The following MPZL3 variants were observed in gnomAD, a reference collection of about 807,000 sequenced individuals.
MPZL3 encodes the protein myelin protein zero-like protein 3.
In MPZL3, 23 loss-of-function variants were observed where a neutral mutation model predicts 24.8. That is an observed-to-expected ratio of 0.93 (90% CI 0.67 to 1.31). MPZL3 has a LOEUF of 1.31. Ranked by LOEUF, MPZL3 falls within the 40% of genes most tolerant of loss-of-function variation. MPZL3 has a pLI of 0.00. For synonymous variants in MPZL3, 99 were observed against 106.5 expected (o/e 0.93, Z 0.44); for missense variants, 277 against 294.9 (o/e 0.94, Z 0.44).
At chr11:118,234,734 C>CAT (rs1949400255) in intron 4 of MPZL3, among the ~76,000 whole-genome samples, 1 of 151,626 alleles carries the variant, frequency 6.6e-6, no homozygotes. Flanking sequence ...TGCACACACA[C>CAT]ACACACATAC....
chr11:118,243,629 A>G (rs2853033), intron 1 of MPZL3, among the ~76,000 whole-genome samples: 118,486 of 151,982 alleles, frequency 0.78, 46,769 homozygotes, highest in African/African-American at 0.9. Context: ...GAAATTAGCC[A>G]GGCATGGTGC....
At chr11:118,250,110 T>G (rs1949601344) in intron 1 of MPZL3, among the ~76,000 whole-genome samples, 1 of 151,860 alleles carries the variant, frequency 6.6e-6, no homozygotes, top group African/African-American at 2.4e-5. Flanking sequence ...CAAGTGATTC[T>G]TCTGCCTCAG....
At chr11:118,246,217 T>C (rs1353116258) in intron 1 of MPZL3, among the ~76,000 whole-genome samples, 1 of 152,232 alleles carries the variant, frequency 6.6e-6, no homozygotes, top group Admixed American at 6.5e-5. Context: ...TTCAACATGT[T>C]TTCCTTGGAC....
chr11:118,233,855 G>A (rs1036680210), intron 4 of MPZL3, among the ~76,000 whole-genome samples: 31 of 152,054 alleles, frequency 2.0e-4, no homozygotes, highest in African/African-American at 7.3e-4. Flanking sequence ...TTAGCTGGGC[G>A]TTGTGGTGCA....
At chr11:118,241,910 T>A (rs1591495729) in intron 1 of MPZL3, among the ~76,000 whole-genome samples, 1 of 152,342 alleles carries the variant, frequency 6.6e-6, no homozygotes, top group African/African-American at 2.4e-5. Flanking sequence ...GCTAAACCTG[T>A]CCTGCCTTCT....
chr11:118,230,198 G>A (rs929122219), intron 5 of MPZL3, among the ~76,000 whole-genome samples: 6 of 152,028 alleles, frequency 3.9e-5, no homozygotes, highest in East Asian at 1.9e-4. Context: ...CCCGCCTACC[G>A]CACCCTTTCT....
intron 5 of MPZL3, among the ~76,000 whole-genome samples, chr11:118,232,652 G>A (rs117826233): frequency 0.012 from 1,764 of 152,056 alleles, 18 homozygotes; most frequent in Admixed American, 0.019. Context: ...AAAAATATCC[G>A]AGCCTCCAAA....
At chr11:118,237,446 G>A (rs539942099) in intron 2 of MPZL3, among the ~76,000 whole-genome samples, 186 bp from the exon 3 acceptor site, 2 of 152,106 alleles carry the variant, frequency 1.3e-5, no homozygotes, top group African/African-American at 2.4e-5. Flanking sequence ...GGCCCGATGA[G>A]AGACTTCTGG....
intron 1 of MPZL3, among the ~76,000 whole-genome samples, chr11:118,243,525 T>C (rs187464500): frequency 5.6e-4 from 85 of 152,254 alleles, no homozygotes; most frequent in Admixed American, 1.4e-3. Context: ...TCCCAGCACT[T>C]TGGGAGGCCG....
At chr11:118,238,001 G>C (rs1237470596) in intron 2 of MPZL3, among the ~76,000 whole-genome samples, 1 of 152,080 alleles carries the variant, frequency 6.6e-6, no homozygotes, top group Admixed American at 6.6e-5. Context: ...GCCAGGTGTG[G>C]TGGCATACAC....
chr11:118,241,171 T>G lies in MPZL3; in HGVS notation c.74-794A>C, dbSNP rs541024392. Among the ~76,000 whole-genome samples, 12 of 152,232 alleles carry G rather than the reference T, an allele frequency of 7.9e-5. 1 individual carries two copies. Among genetic ancestry groups the G allele is most frequent in the Admixed American group, 3.3e-4 (5 of 15,290 alleles). ...GCACTTTGTTCTAACCAGTTCCTTC[T>G]GCTTTCAGAGAACAAAAACTTATCT... On this transcript the variant is annotated intron_variant, in intron 1 of 5. Coordinates refer to ENST00000278949, the MANE Select transcript of MPZL3 (RefSeq NM_198275.3).
intron 1 of MPZL3, 138 bp downstream of exon 1, chr11:118,252,084 A>C: frequency 2.5e-6 from 2 of 807,818 alleles, no homozygotes; most frequent in African/African-American, 1.7e-5. Flanking sequence ...ACATCGTCCC[A>C]ACGTCCCGCT....
chr11:118,234,766 T>C (rs754016267), intron 4 of MPZL3, among the ~76,000 whole-genome samples: 9 of 151,456 alleles, frequency 5.9e-5, no homozygotes, highest in African/African-American at 1.7e-4. Context: ...CAGAGAGAGA[T>C]TGAATTTTGG....
chr11:118,241,906 C>A (rs1949503731), intron 1 of MPZL3, among the ~76,000 whole-genome samples: 1 of 152,216 alleles, frequency 6.6e-6, no homozygotes, highest in African/African-American at 2.4e-5. Context: ...CCATGCTAAA[C>A]CTGTCCTGCC....
In MPZL3 at chr11:118,249,060, T is replaced by TTTC. The variant is rs1949590270; in HGVS notation, c.73+3161_73+3162insGAA. Among the ~76,000 whole-genome samples the TTTC allele has an allele frequency of 3.3e-5, 5 of 152,294 alleles. No individual in the cohort carries two copies. The South Asian group carries it at 1.0e-3, about 32-fold the overall frequency. On this transcript the variant is annotated intron_variant, in intron 1 of 5. Transcript: ENST00000278949. ...GTTTGTTTTTTGTTTGTTTGTTTTT[T>TTTC]GAGACAGAGTCTCACTCTGTCACCC...
intron 2 of MPZL3, among the ~76,000 whole-genome samples, chr11:118,237,863 A>G (rs1410062787): frequency 6.6e-6 from 1 of 152,188 alleles, no homozygotes; most frequent in Non-Finnish European, 1.5e-5. Context: ...CAGGCTGGTC[A>G]TGGTGGCTCA....
rs1348216907 is a variant in MPZL3, at chr11:118,229,578, T to C, written c.*316A>G. The C allele has an allele frequency of 4.1e-6, 1 of 241,746 alleles. No individual in the cohort carries two copies. Among genetic ancestry groups the C allele is most frequent in the Non-Finnish European group, 8.0e-6 (1 of 125,674 alleles). 15.0% of individuals were successfully genotyped at this position (241,746 alleles called of 1,614,324 possible). A position where few individuals can be genotyped will look rare whatever the true frequency, so the allele number is the denominator to read the frequency against. On this transcript the variant is annotated 3_prime_UTR_variant, in exon 6 of 6. Transcript: ENST00000278949. ...TCCTTCAAACAGTTGGAAGAAAACA[T>C]GTAATACATTCCAGAGCAAAGATGA...
rs548085708 is a variant in MPZL3 at position 118,243,953 on chromosome 11, G to A, written c.74-3576C>T. Among the ~76,000 whole-genome samples the A allele has an allele frequency of 3.9e-5, 6 of 152,278 alleles. No homozygotes were observed. The South Asian group carries it at 1.2e-3, about 32-fold the overall frequency. The stretch of plus-strand genomic sequence containing the variant: ...CTTTCTAAGCCAAGTTTGTGAAAGA[G>A]TGGTCTACACTTGAGGTCTCCATTT... On this transcript the variant is annotated intron_variant, in intron 1 of 5. Transcript: ENST00000278949.
At chr11:118,230,041 A>C in intron 5 of MPZL3, 121 bp from the exon 6 acceptor site, 2 of 800,764 alleles carry the variant, frequency 2.5e-6, no homozygotes, top group Non-Finnish European at 4.1e-6. Context: ...GTGAAATGCC[A>C]CTGACTCAAT....
Sources: allele counts gnomAD v4.1 joint callset (sites outside exome capture counted in the v4.1 genomes callset), GRCh38; gene constraint gnomAD v4.1.1; transcripts MANE v1.5; gene names NCBI Gene and HGNC (gene_info 2026-07-23, HGNC 2026-07-21).